Variants in PIWIL2 observed in about 807,000 individuals in gnomAD.
PIWIL2 encodes the protein piwi like RNA-mediated gene silencing 2, also known as piwi-like protein 2.
A neutral mutation model predicts 116.5 loss-of-function variants in PIWIL2; 81 were observed. The ratio of observed to expected loss-of-function variants is 0.70; its 90% CI spans 0.58 to 0.84. The LOEUF is 0.84. Ranked by LOEUF, PIWIL2 falls within the 40% of genes least tolerant of loss-of-function variation. The pLI is 0.00. For missense variants in PIWIL2, 1,272 were observed against 1,212.3 expected (o/e 1.05, Z -0.73); for synonymous variants, 489 against 429.5 (o/e 1.14, Z -1.71).
At chr8:22,334,264 C>G (rs1382671593) in intron 20 of PIWIL2, among the ~76,000 whole-genome samples, 2 of 151,542 alleles carry the variant, frequency 1.3e-5, no homozygotes, top group African/African-American at 2.4e-5. Flanking sequence ...CGTGAGACAC[C>G]ACGCCTGGCC....
chr8:22,335,834 C>T (rs1015175340), intron 20 of PIWIL2, among the ~76,000 whole-genome samples: 1 of 152,142 alleles, frequency 6.6e-6, no homozygotes, highest in East Asian at 1.9e-4. Flanking sequence ...GGTGGGATTA[C>T]AGGCGTGAGC....
chr8:22,352,061 C>T (rs138554582), intron 20 of PIWIL2, among the ~76,000 whole-genome samples: 1 of 152,326 alleles, frequency 6.6e-6, no homozygotes, highest in Non-Finnish European at 1.5e-5. Context: ...TTTCCTGCCT[C>T]AGCCTCCCAG....
chr8:22,326,159 C>A (rs979560855), intron 20 of PIWIL2, among the ~76,000 whole-genome samples: 2 of 152,044 alleles, frequency 1.3e-5, no homozygotes, highest in African/African-American at 4.8e-5. Flanking sequence ...CCTCGCCTTC[C>A]CAGCCTGGAA....
At chr8:22,315,518 T>C (rs1831437569) in intron 18 of PIWIL2, among the ~76,000 whole-genome samples, 1 of 152,184 alleles carries the variant, frequency 6.6e-6, no homozygotes, top group Admixed American at 6.5e-5. Context: ...GATTTCACCA[T>C]GTTGGCCAGG....
rs75878868 is a variant in PIWIL2, at chr8:22,284,565, C to T, written c.743+293C>T. ...TAAGTTCAGGGCCTTTTAAAACTTG[C>T]ATTAGGTGTCTTCCATGATCTTTTA... is the stretch of plus-strand genomic sequence containing the variant. On this transcript the variant is annotated intron_variant, in intron 6 of 22. Coordinates refer to ENST00000356766, the MANE Select transcript of PIWIL2 (RefSeq NM_018068.5). Among the ~76,000 whole-genome samples, 1,495 of 152,160 alleles carry T rather than the reference C, an allele frequency of 9.8e-3. 25 individuals carry two copies. Among genetic ancestry groups the T allele is most frequent in the African/African-American group, 0.034 (1,416 of 41,504 alleles).
chr8:22,306,044 A>G, intron 13 of PIWIL2, 28 bp downstream of exon 13: 1 of 1,516,160 alleles, frequency 6.6e-7, no homozygotes, highest in Admixed American at 1.7e-5. Context: ...TCAGCCGGAA[A>G]TGCCCACTTT....
At chr8:22,300,131 A>G (rs1160454696) in intron 10 of PIWIL2, among the ~76,000 whole-genome samples, 1 of 151,746 alleles carries the variant, frequency 6.6e-6, no homozygotes, top group Non-Finnish European at 1.5e-5. Context: ...GGACCTCACT[A>G]TGTTGCCCAG....
chr8:22,306,026 C>G lies in PIWIL2; in HGVS notation c.1545+10C>G. 1 of 1,601,384 alleles carries G rather than the reference C, an allele frequency of 6.2e-7. No individual in the cohort carries two copies. Among genetic ancestry groups the G allele is most frequent in the Non-Finnish European group, 8.6e-7 (1 of 1,168,518 alleles). On this transcript the variant is annotated intron_variant, in intron 13 of 22. Transcript: ENST00000356766. ...CTTCAGAGCCATGAAGGTTGGAGTC[C>G]TGTGTTTTCAGCCGGAAATGCCCAC...
At chr8:22,298,325 A>G (rs1217090038) in intron 10 of PIWIL2, among the ~76,000 whole-genome samples, 2 of 152,178 alleles carry the variant, frequency 1.3e-5, no homozygotes, top group African/African-American at 4.8e-5. Context: ...AAAAAGGCTA[A>G]TGACCTCACA....
At chr8:22,339,416 G>C (rs150551836) in intron 20 of PIWIL2, among the ~76,000 whole-genome samples, 1,636 of 152,162 alleles carry the variant, frequency 0.011, 30 homozygotes, top group African/African-American at 0.038. Context: ...GCTGAGGCAG[G>C]AGAATCACTT....
At chr8:22,290,182 A>G (rs1563356837) in intron 9 of PIWIL2, 51 bp from the exon 10 acceptor site, 1 of 1,070,968 alleles carries the variant, frequency 9.3e-7, no homozygotes, top group Non-Finnish European at 1.4e-6. Flanking sequence ...GGGGCATGGA[A>G]GTATATGTGT....
intron 20 of PIWIL2, among the ~76,000 whole-genome samples, chr8:22,319,911 T>C (rs1831554894): frequency 6.6e-6 from 1 of 152,298 alleles, no homozygotes; most frequent in South Asian, 2.1e-4. Context: ...CACCTTCTAA[T>C]CCAAGGGTGG....
chr8:22,303,831 T>G (rs973366210), intron 10 of PIWIL2, among the ~76,000 whole-genome samples, 190 bp from the exon 11 acceptor site: 2 of 152,272 alleles, frequency 1.3e-5, no homozygotes, highest in Middle Eastern at 3.4e-3. Context: ...CTCCTGCCTC[T>G]GCCTCCTAAA....
At chr8:22,281,240 G>C in intron 3 of PIWIL2, 33 bp downstream of exon 3, 9 of 1,558,012 alleles carry the variant, frequency 5.8e-6, no homozygotes, top group Non-Finnish European at 7.9e-6. Context: ...AAATTTGGTG[G>C]TATGTATGAT....
At chr8:22,337,433 C>T (rs968162348) in intron 20 of PIWIL2, among the ~76,000 whole-genome samples, 1 of 151,790 alleles carries the variant, frequency 6.6e-6, no homozygotes, top group Non-Finnish European at 1.5e-5. Flanking sequence ...AAATTTTTAA[C>T]AAAAAAGATA....
intron 13 of PIWIL2, 21 bp from the exon 14 acceptor site, chr8:22,307,912 C>T: frequency 6.4e-7 from 1 of 1,565,938 alleles, no homozygotes; most frequent in Non-Finnish European, 8.7e-7. Flanking sequence ...TATAAGTTAT[C>T]TTTATTTTAA....
chr8:22,300,102 A>T (rs1348316229), intron 10 of PIWIL2, among the ~76,000 whole-genome samples: 1 of 151,396 alleles, frequency 6.6e-6, no homozygotes, highest in Non-Finnish European at 1.5e-5. Flanking sequence ...ATATAAAAAC[A>T]TTTTTTTTAA....
At chr8:22,318,847 A>T (rs1485263397) in intron 20 of PIWIL2, among the ~76,000 whole-genome samples, 1 of 152,224 alleles carries the variant, frequency 6.6e-6, no homozygotes, top group African/African-American at 2.4e-5. Context: ...TGATGTCTCT[A>T]GACATAATCT....
At chr8:22,296,460 T>G (rs1220684946) in intron 10 of PIWIL2, among the ~76,000 whole-genome samples, 6 of 152,190 alleles carry the variant, frequency 3.9e-5, no homozygotes, top group African/African-American at 1.4e-4. Context: ...CCAGAAGAAG[T>G]ATGCATTGGA....
Sources: allele counts gnomAD v4.1 joint callset (sites outside exome capture counted in the v4.1 genomes callset), GRCh38; gene constraint gnomAD v4.1.1; transcripts MANE v1.5; gene names NCBI Gene and HGNC (gene_info 2026-07-23, HGNC 2026-07-21).